Variants in EYA4 observed in about 807,000 individuals in gnomAD.
The protein encoded by EYA4 is EYA transcriptional coactivator and phosphatase 4.
EYA4 carries 31 observed loss-of-function variants against 87.9 expected under a neutral mutation model. The ratio of observed to expected loss-of-function variants is 0.35; its 90% CI spans 0.27 to 0.48. EYA4 has a LOEUF of 0.48. Among genes scored for constraint, EYA4 ranks in the 20% least tolerant of loss-of-function variants. The pLI, the probability that EYA4 is intolerant of heterozygous loss-of-function variation, is 0.99. For synonymous variants in EYA4, 263 were observed against 270.6 expected, an observed-to-expected ratio of 0.97 and a Z score of 0.28; for missense variants, 678 against 761.4, an observed-to-expected ratio of 0.89 and a Z score of 1.29.
chr6:133,442,409 A>G (rs944813697), intron 3 of EYA4, among the ~76,000 whole-genome samples: 2 of 152,164 alleles, frequency 1.3e-5, no homozygotes, highest in African/African-American at 4.8e-5. Flanking sequence ...CATCCCTCTG[A>G]AAAATCACTG....
chr6:133,357,219 C>G (rs1189073018), intron 2 of EYA4, among the ~76,000 whole-genome samples: 1 of 135,900 alleles, frequency 7.4e-6, no homozygotes, highest in Non-Finnish European at 1.5e-5. Context: ...TGCAGTGAGC[C>G]GAGATCCCGC....
At chr6:133,256,783 C>T (rs3777787) in intron 1 of EYA4, among the ~76,000 whole-genome samples, 3 of 151,846 alleles carry the variant, frequency 2.0e-5, no homozygotes, top group Non-Finnish European at 2.9e-5. Flanking sequence ...TTTTGTTGTT[C>T]GATTTTTATA....
intron 2 of EYA4, among the ~76,000 whole-genome samples, chr6:133,352,211 C>T (rs1055007315): frequency 2.0e-5 from 3 of 152,234 alleles, no homozygotes; most frequent in African/African-American, 4.8e-5. Flanking sequence ...AGTTTGTATA[C>T]CTTATGCATC....
rs952345538 is a variant in EYA4 at position 133,399,511 on chromosome 6, T to C, written c.83+17070T>C. 3.3e-5 allele frequency among the ~76,000 whole-genome samples: 5 copies of C among 152,196 alleles called. No individual in the cohort carries two copies. The East Asian group carries it at 7.7e-4, about 23-fold the overall frequency. ...AAAAAAAATACAATGAGGCTACTTA[T>C]GTTTTAAATCAAGAATATGTTTTCA... On this transcript the variant is annotated intron_variant, in intron 3 of 19. Coordinates refer to ENST00000355286, the MANE Select transcript of EYA4 (RefSeq NM_004100.5).
intron 13 of EYA4, among the ~76,000 whole-genome samples, chr6:133,488,955 C>A (rs1796909673): frequency 6.6e-6 from 1 of 152,156 alleles, no homozygotes; most frequent in African/African-American, 2.4e-5. Context: ...AGATATGTGA[C>A]CTTTCCGATA....
At chr6:133,362,672 G>A (rs1456115889) in intron 2 of EYA4, among the ~76,000 whole-genome samples, 2 of 152,212 alleles carry the variant, frequency 1.3e-5, no homozygotes, top group Non-Finnish European at 2.9e-5. Flanking sequence ...TGGAATAGAT[G>A]GTGTCTGTAA....
intron 2 of EYA4, among the ~76,000 whole-genome samples, chr6:133,280,866 C>T (rs1262233012): frequency 1.3e-5 from 2 of 152,144 alleles, no homozygotes; most frequent in South Asian, 2.1e-4. Context: ...GCACACTCCC[C>T]ATTCCCCCGA....
intron 2 of EYA4, among the ~76,000 whole-genome samples, chr6:133,326,488 G>C (rs1261287987): frequency 6.6e-6 from 1 of 152,164 alleles, no homozygotes; most frequent in Non-Finnish European, 1.5e-5. Flanking sequence ...TTTTGGATAA[G>C]GGACAACCTG....
At chr6:133,509,283 A>G (rs1798923069) in intron 14 of EYA4, among the ~76,000 whole-genome samples, 1 of 152,170 alleles carries the variant, frequency 6.6e-6, no homozygotes, top group Non-Finnish European at 1.5e-5. Flanking sequence ...CATAACTGGA[A>G]TTAAATGATT....
chr6:133,525,248 A>C lies in EYA4; in HGVS notation c.1833A>C (p.Ala611=). 6.2e-7 allele frequency: 1 copy of C among 1,611,400 alleles called. No individual in the cohort carries two copies. Among genetic ancestry groups the C allele is most frequent in the Non-Finnish European group, 8.5e-7 (1 of 1,177,704 alleles). Residue 611 remains alanine (A), a synonymous_variant, in exon 19 of 20, where the codon GCA becomes GCC. Coordinates refer to ENST00000355286, the MANE Select transcript of EYA4 (RefSeq NM_004100.5). ...ATGGTGTAGAAGAAGAACAGGCAGCAAAAAAGGTAACCTGTCTCAAACAAT... is the reference window on the plus strand; with the variant it reads ...ATGGTGTAGAAGAAGAACAGGCAGCCAAAAAGGTAACCTGTCTCAAACAAT... The part of the protein sequence containing the change: ...IGDGVEEEQA[A]KKHNMPFWRI...
chr6:133,266,701 A>C (rs1465037461), intron 1 of EYA4, among the ~76,000 whole-genome samples: 3 of 152,180 alleles, frequency 2.0e-5, no homozygotes, highest in Non-Finnish European at 4.4e-5. Context: ...AAAAGTTTCT[A>C]TCTGTATTGT....
At chr6:133,366,212 T>C in intron 2 of EYA4, among the ~76,000 whole-genome samples, 1 of 152,194 alleles carries the variant, frequency 6.6e-6, no homozygotes, top group East Asian at 1.9e-4. Context: ...AAGGGAGGAC[T>C]CAGTGACTCC....
chr6:133,420,932 G>A (rs532735335), intron 3 of EYA4, among the ~76,000 whole-genome samples: 249 of 152,284 alleles, frequency 1.6e-3, no homozygotes, highest in Non-Finnish European at 2.5e-3. Flanking sequence ...ACAGAATAGG[G>A]TACTGTTTAA....
At chr6:133,314,861 A>T (rs531735709) in intron 2 of EYA4, among the ~76,000 whole-genome samples, 11 of 152,302 alleles carry the variant, frequency 7.2e-5, no homozygotes, top group African/African-American at 2.6e-4. Context: ...GGTGGTAGGA[A>T]CTCCAAACCA....
chr6:133,249,679 T>C (rs576397127), intron 1 of EYA4, among the ~76,000 whole-genome samples: 9 of 152,340 alleles, frequency 5.9e-5, no homozygotes, highest in African/African-American at 2.2e-4. Flanking sequence ...GCTTTTTCTC[T>C]GGAAAACATC....
chr6:133,526,738 A>G (rs2327351), intron 19 of EYA4, among the ~76,000 whole-genome samples: 36,672 of 152,042 alleles, frequency 0.24, 5,183 homozygotes, highest in East Asian at 0.37. Flanking sequence ...TTCCAGTCAC[A>G]CTGAACTGAA....
intron 10 of EYA4, 96 bp from the exon 11 acceptor site, chr6:133,468,470 T>C: frequency 2.0e-6 from 2 of 985,800 alleles, no homozygotes; most frequent in South Asian, 2.6e-5. Flanking sequence ...TGGGGCTGAG[T>C]ACTAATCTTT....
chr6:133,481,895 C>T (rs892170174), intron 12 of EYA4, among the ~76,000 whole-genome samples: 2 of 152,178 alleles, frequency 1.3e-5, no homozygotes, highest in African/African-American at 4.8e-5. Context: ...AAACTATAGC[C>T]ATTGTTTGTG....
intron 3 of EYA4, among the ~76,000 whole-genome samples, chr6:133,418,760 C>A (rs1789966839): frequency 6.6e-6 from 1 of 151,926 alleles, no homozygotes; most frequent in Non-Finnish European, 1.5e-5. Context: ...ATAAGGGCAA[C>A]CAAATAGATA....
Sources: allele counts gnomAD v4.1 joint callset (sites outside exome capture counted in the v4.1 genomes callset), GRCh38; gene constraint gnomAD v4.1.1; transcripts MANE v1.5; gene names NCBI Gene and HGNC (gene_info 2026-07-23, HGNC 2026-07-21).